PTPRD: variants seen among roughly 807,000 people sequenced by gnomAD.
PTPRD encodes the protein protein tyrosine phosphatase receptor type D.
In PTPRD, 34 loss-of-function variants were observed where a neutral mutation model predicts 214.5. That is an observed-to-expected ratio of 0.16 (90% CI 0.12 to 0.21). PTPRD has a LOEUF of 0.21. Ranked by LOEUF, PTPRD falls within the 10% of genes least tolerant of loss-of-function variation. The pLI, the probability that PTPRD is intolerant of heterozygous loss-of-function variation, is 1.00. For synonymous variants in PTPRD, 1,128 were observed against 845.7 expected, an observed-to-expected ratio of 1.33 and a Z score of -5.79; for missense variants, 2,545 against 2,398.7, an observed-to-expected ratio of 1.06 and a Z score of -1.27.
chr9:9,955,555 G>C (rs141244638), intron 4 of PTPRD, among the ~76,000 whole-genome samples: 1 of 147,428 alleles, frequency 6.8e-6, no homozygotes, highest in South Asian at 2.1e-4. Flanking sequence ...ACAGAGTCTC[G>C]CTCTGTCGCC....
intron 10 of PTPRD, among the ~76,000 whole-genome samples, chr9:9,045,005 C>A (rs1405581294): frequency 6.6e-6 from 1 of 152,110 alleles, no homozygotes; most frequent in African/African-American, 2.4e-5. Context: ...ACAAATGAAT[C>A]AAATTAAGGT....
Position 8,353,959 on chromosome 9 carries a change from TATATG to T in PTPRD, c.4662-11986_4662-11982del, listed in dbSNP as rs371192608. ...GTACATATATATATATATATATATA[TATATG>T]TTTTTTTTTTTTTGAGAAGGAGTCT... is the stretch of plus-strand genomic sequence containing the variant. On this transcript the variant is annotated intron_variant, in intron 39 of 45. Coordinates refer to ENST00000381196, the MANE Select transcript of PTPRD (RefSeq NM_002839.4). Among the ~76,000 whole-genome samples the T allele has an allele frequency of 5.3e-3, 591 of 111,808 alleles. 44 individuals carry two copies. Among genetic ancestry groups the T allele is most frequent in the Middle Eastern group, 8.5e-3 (2 of 234 alleles). 73.4% of individuals were successfully genotyped at this position (111,808 alleles called of 152,430 possible). A position where few individuals can be genotyped will look rare whatever the true frequency, so the allele number is the denominator to read the frequency against.
At chr9:10,576,428 A>C (rs977033001) in intron 2 of PTPRD, among the ~76,000 whole-genome samples, 7 of 152,090 alleles carry the variant, frequency 4.6e-5, no homozygotes, top group Non-Finnish European at 8.8e-5. Context: ...ATAGAATCTC[A>C]GTATTTAAAA....
chr9:10,061,344 G>A (rs1050012990), intron 3 of PTPRD, among the ~76,000 whole-genome samples: 8 of 152,012 alleles, frequency 5.3e-5, no homozygotes, highest in Non-Finnish European at 8.8e-5. Flanking sequence ...ATTATGCATT[G>A]AAGACTATAA....
chr9:10,577,209 A>G (rs1276839835), intron 2 of PTPRD, among the ~76,000 whole-genome samples: 1 of 152,144 alleles, frequency 6.6e-6, no homozygotes, highest in Admixed American at 6.5e-5. Context: ...AAGTTAACTG[A>G]TATACCCATG....
chr9:9,971,174 T>A (rs777292905), intron 4 of PTPRD, among the ~76,000 whole-genome samples: 1 of 152,116 alleles, frequency 6.6e-6, no homozygotes, highest in Non-Finnish European at 1.5e-5. Flanking sequence ...TGATTAACAA[T>A]AAGCTAATTA....
intron 6 of PTPRD, among the ~76,000 whole-genome samples, chr9:9,763,110 C>A (rs542480418): frequency 3.5e-4 from 54 of 152,276 alleles, no homozygotes; most frequent in African/African-American, 1.3e-3. Flanking sequence ...CCTTTATGAC[C>A]TCACTTAACC....
chr9:9,037,615 A>G (rs1230468694), intron 10 of PTPRD, among the ~76,000 whole-genome samples: 2 of 152,148 alleles, frequency 1.3e-5, no homozygotes, highest in Non-Finnish European at 2.9e-5. Context: ...TTATTCCATA[A>G]CTAAGGGCTT....
intron 5 of PTPRD, among the ~76,000 whole-genome samples, chr9:9,840,834 C>CTATG (rs944330864): frequency 7.2e-6 from 1 of 138,400 alleles, no homozygotes. Flanking sequence ...GGAATGCAAT[C>CTATG]TATGTATGTA....
intron 3 of PTPRD, among the ~76,000 whole-genome samples, chr9:10,180,423 A>G (rs2099275490): frequency 2.0e-5 from 3 of 152,004 alleles, no homozygotes. Context: ...GAGACACACC[A>G]GCTCAAATAA....
intron 10 of PTPRD, among the ~76,000 whole-genome samples, chr9:9,129,978 T>C (rs2099840118): frequency 6.6e-6 from 1 of 152,168 alleles, no homozygotes; most frequent in Admixed American, 6.5e-5. Context: ...TCTGAGGGTA[T>C]GAGTTAAGAT....
At chr9:8,535,140 G>C (rs1179620500) in intron 14 of PTPRD, among the ~76,000 whole-genome samples, 1 of 151,832 alleles carries the variant, frequency 6.6e-6, no homozygotes, top group African/African-American at 2.4e-5. Flanking sequence ...TGTGCCTAGT[G>C]CTGCCTGGCA....
chr9:10,269,871 C>A (rs1001330347), intron 3 of PTPRD, among the ~76,000 whole-genome samples: 8 of 152,090 alleles, frequency 5.3e-5, no homozygotes, highest in African/African-American at 1.9e-4. Flanking sequence ...TGCTTTAATA[C>A]TTTTATTAAT....
chr9:9,993,827 T>C (rs1814650140), intron 4 of PTPRD, among the ~76,000 whole-genome samples: 1 of 152,194 alleles, frequency 6.6e-6, no homozygotes, highest in South Asian at 2.1e-4. Flanking sequence ...TCTGCTTTTC[T>C]CCACCAATGA....
intron 7 of PTPRD, among the ~76,000 whole-genome samples, chr9:9,646,023 G>A (rs531963043): frequency 6.6e-6 from 1 of 152,174 alleles, no homozygotes; most frequent in East Asian, 1.9e-4. Context: ...TGTTGATGCT[G>A]TTTTGTGTTG....
chr9:9,957,418 G>GA (rs1291283462), intron 4 of PTPRD, among the ~76,000 whole-genome samples: 2 of 151,796 alleles, frequency 1.3e-5, no homozygotes, highest in South Asian at 2.1e-4. Context: ...TGTTTCAAAG[G>GA]AAAAAACAGA....
chr9:10,308,955 T>A (rs1297651274), intron 3 of PTPRD, among the ~76,000 whole-genome samples: 1 of 152,062 alleles, frequency 6.6e-6, no homozygotes, highest in Non-Finnish European at 1.5e-5. Context: ...CATACTTGTG[T>A]GAATATATTA....
At chr9:10,497,171 G>A (rs1007878178) in intron 2 of PTPRD, among the ~76,000 whole-genome samples, 13 of 151,984 alleles carry the variant, frequency 8.6e-5, no homozygotes, top group African/African-American at 1.2e-4. Context: ...GAATGGGGGC[G>A]TGGGGCAAAA....
intron 34 of PTPRD, among the ~76,000 whole-genome samples, chr9:8,445,181 G>A (rs773401148): frequency 3.3e-5 from 5 of 151,994 alleles, no homozygotes; most frequent in Non-Finnish European, 7.4e-5. Context: ...ATTTTAACTT[G>A]GTAGTTATTG....
Sources: gnomAD v4.1 joint callset for allele counts (sites outside exome capture counted in the v4.1 genomes callset) on GRCh38, gnomAD v4.1.1 for gene constraint, MANE v1.5 for transcripts, NCBI Gene and HGNC (gene_info 2026-07-23, HGNC 2026-07-21) for gene names.